EPHA10: variants seen among roughly 807,000 people sequenced by gnomAD.
EPHA10 encodes ephrin type-A receptor 10.
A neutral mutation model predicts 109.7 loss-of-function variants in EPHA10; 120 were observed. That is an observed-to-expected ratio of 1.09 (90% confidence interval 0.94 to 1.27). EPHA10 has a LOEUF of 1.27. Ranked by LOEUF, EPHA10 falls within the 50% of genes most tolerant of loss-of-function variation. The probability of loss-of-function intolerance (pLI) is 0.00; values close to 1 mark genes in which losing one functional copy is unlikely to be tolerated. For synonymous variants in EPHA10, 640 were observed against 618.9 expected, an observed-to-expected ratio of 1.03 and a Z score of -0.51; for missense variants, 1,396 against 1,411.1, an observed-to-expected ratio of 0.99 and a Z score of 0.17.
chr1:37,758,585 C>T (rs1397982220), intron 3 of EPHA10, among the ~76,000 whole-genome samples: 1 of 152,224 alleles, frequency 6.6e-6, no homozygotes, highest in Non-Finnish European at 1.5e-5. Context: ...TCTCTCTTGG[C>T]TGTCATAATA....
At chr1:37,762,753 C>A in intron 2 of EPHA10, 32 bp downstream of exon 2, 1 of 1,533,910 alleles carries the variant, frequency 6.5e-7, no homozygotes, top group Non-Finnish European at 8.8e-7. Context: ...CCAGAGGATC[C>A]CTGGGACAGG....
chr1:37,723,276 G>GCCCGC (rs766571253), intron 9 of EPHA10, 35 bp downstream of exon 9: 21 of 1,610,496 alleles, frequency 1.3e-5, no homozygotes, highest in African/African-American at 6.7e-5. Context: ...GCAGGGTGGA[G>GCCCGC]CCCGCCCCTC....
intron 7 of EPHA10, among the ~76,000 whole-genome samples, chr1:37,730,347 A>T (rs1214681618): frequency 2.0e-5 from 3 of 152,176 alleles, no homozygotes; most frequent in Non-Finnish European, 4.4e-5. Context: ...TTATCTTGAC[A>T]GCTGGTGCCA....
intron 5 of EPHA10, among the ~76,000 whole-genome samples, chr1:37,744,163 T>A (rs1376345081): frequency 6.6e-6 from 1 of 152,136 alleles, no homozygotes; most frequent in Non-Finnish European, 1.5e-5. Context: ...TTCTTAGCGA[T>A]GACACCAAAA....
chr1:37,716,749 C>T lies in EPHA10; in HGVS notation c.*1623G>A, dbSNP rs1290456271. The T allele has an allele frequency of 2.1e-5, 5 of 232,972 alleles. No individual in the cohort carries two copies. The East Asian group carries it at 3.0e-4, about 14-fold the overall frequency. The allele number at this position is 232,972 out of a possible 1,614,324, so 14.4% of individuals were successfully genotyped here. The stretch of plus-strand genomic sequence containing the variant: ...GTCCGAGGCCTGCCATCTTGCCTGC[C>T]GAAAACTCCACCCACCCCAAGGAAA... On this transcript the variant is annotated 3_prime_UTR_variant, in exon 17 of 17. Coordinates refer to ENST00000373048, the MANE Select transcript of EPHA10 (RefSeq NM_001099439.2).
chr1:37,722,087 T>C, intron 10 of EPHA10: 2 of 431,068 alleles, frequency 4.6e-6, no homozygotes, highest in South Asian at 3.7e-5. Context: ...GCTGAGATTG[T>C]GCCACTGCAC....
Position 37,718,440 on chromosome 1 carries a change from G to A in EPHA10, c.2959C>T (p.Leu987Phe), listed in dbSNP as rs1325520315. 1.2e-6 allele frequency: 2 copies of A among 1,613,462 alleles called. No homozygotes were observed. The highest frequency in any genetic ancestry group is 2.7e-5 in the African/African-American group (2 of 75,058). The change falls in exon 17 of 17, where the codon CTC (leucine) becomes TTC (phenylalanine). Residue 987 changes from leucine (L) to phenylalanine (F), a missense_variant. Transcript: ENST00000373048. ...TGCAGGGCGCTGATCCCGCTGAGGA[G>A]GGCCTCTCGATGTTCAGCCAAAGAG... is the stretch of plus-strand genomic sequence containing the variant. ...GISLAEHREA[L>F]LSGISALQAR... is the part of the protein sequence containing the mutation.
In EPHA10 at chr1:37,762,825, G is replaced by A; in HGVS notation, c.131C>T (p.Ser44Phe). The change falls in exon 2 of 17, where the codon TCC (serine) becomes TTC (phenylalanine). Residue 44 changes from serine to phenylalanine, a missense_variant. Coordinates refer to ENST00000373048, the MANE Select transcript of EPHA10 (RefSeq NM_001099439.2). ...EEVILLDSKA[S>F]QAELGWTALP... ...TGCAGTCCAGCCCAGCTCGGCCTGG[G>A]AGGCTTTGGAATCCAGGAGGATAAC... is the stretch of plus-strand genomic sequence containing the variant. The A allele has an allele frequency of 6.4e-7, 1 of 1,553,674 alleles. No homozygotes were observed. The highest frequency in any genetic ancestry group is 1.9e-5 in the Admixed American group (1 of 51,374).
chr1:37,739,153 T>TA (rs375305312), intron 5 of EPHA10, among the ~76,000 whole-genome samples: 23 of 150,716 alleles, frequency 1.5e-4, no homozygotes, highest in Non-Finnish European at 3.0e-4. Context: ...AGTATAATAA[T>TA]AAAAAAGAGT....
chr1:37,735,138 G>A (rs1383961316), intron 6 of EPHA10, 119 bp downstream of exon 6: 5 of 1,339,332 alleles, frequency 3.7e-6, no homozygotes, highest in South Asian at 1.3e-5. Flanking sequence ...TAGGAGACGG[G>A]TGGTTATGTT....
chr1:37,719,471 A>C lies in EPHA10; in HGVS notation c.2699T>G (p.Leu900Arg). 6.2e-7 allele frequency: 1 copy of C among 1,613,976 alleles called. No homozygotes were observed. ...RPRFSQIHSI[L>R]SKMVQDPEPP... ...CTCTGGGTCCTGCACCATCTTGCTCAGGATGCTGTGGATCTGGGAGAACCT... is the reference window on the plus strand; with the variant it reads ...CTCTGGGTCCTGCACCATCTTGCTCCGGATGCTGTGGATCTGGGAGAACCT... Residue 900 changes from leucine (L) to arginine (R), a missense_variant, in exon 15 of 17, where the codon CTG becomes CGG. Leu to Arg is a moderately radical substitution (Grantham distance 102). Coordinates refer to ENST00000373048, the MANE Select transcript of EPHA10 (RefSeq NM_001099439.2).
Position 37,720,453 on chromosome 1 carries a change from G to T in EPHA10, c.2310C>A (p.Gly770=), listed in dbSNP as rs371512985. The change falls in exon 13 of 17, where the codon GGC becomes GGA. Residue 770 remains glycine (G), a synonymous_variant. Coordinates refer to ENST00000373048, the MANE Select transcript of EPHA10 (RefSeq NM_001099439.2). ...TGACCAGCACATGGCGAGCTGCCAGGCCCCGGTGAACGTAGCCCATCTCTG... is the reference window on the plus strand; with the variant it reads ...TGACCAGCACATGGCGAGCTGCCAGTCCCCGGTGAACGTAGCCCATCTCTG... ...YLSEMGYVHR[G]LAARHVLVSS... 33 of 1,613,496 alleles carry T rather than the reference G, an allele frequency of 2.0e-5. No homozygotes were observed. The highest frequency in any genetic ancestry group is 1.2e-4 in the Admixed American group (7 of 59,986).
rs569124338 is a variant in EPHA10, at chr1:37,745,654, A to C, written c.1357+7222T>G. Reference sequence around the variant, plus strand: ...ACCTGAGGCCAGGAGTTTGAAACCAACCTGGCCAATATGGGGAAACCCTGT... The same window carrying C: ...ACCTGAGGCCAGGAGTTTGAAACCACCCTGGCCAATATGGGGAAACCCTGT... On this transcript the variant is annotated intron_variant, in intron 5 of 16. Coordinates refer to ENST00000373048, the MANE Select transcript of EPHA10 (RefSeq NM_001099439.2). Among the ~76,000 whole-genome samples, 12 of 152,218 alleles carry C rather than the reference A, an allele frequency of 7.9e-5. No homozygotes were observed. The East Asian group carries it at 2.3e-3, about 29-fold the overall frequency.
intron 7 of EPHA10, among the ~76,000 whole-genome samples, chr1:37,727,581 C>A (rs951903342): frequency 9.9e-5 from 15 of 152,230 alleles, no homozygotes; most frequent in Admixed American, 9.8e-4. Flanking sequence ...AGACCATCCA[C>A]CAACAATAAT....
At position 37,721,825 on chromosome 1, in the gene EPHA10, A is replaced by G; in HGVS notation, c.1981T>C (p.Cys661Arg). The G allele has an allele frequency of 6.2e-7, 1 of 1,604,568 alleles. No homozygotes were observed. The highest frequency in any genetic ancestry group is 8.5e-7 in the Non-Finnish European group (1 of 1,174,842). ...CGACCGGGGAGCTGCAAGCAGCCAC[A>G]GCACAGCTCCCCAAACCGCCCTGTG... ...LGGGRFGELC[C>R]GCLQLPGRQE... Residue 661 changes from cysteine to arginine, a missense_variant, in exon 11 of 17, where the codon TGT becomes CGT. Cys to Arg is a radical substitution (Grantham distance 180). Coordinates refer to ENST00000373048, the MANE Select transcript of EPHA10 (RefSeq NM_001099439.2).
chr1:37,765,038 A>C lies in EPHA10; in HGVS notation c.29T>G (p.Leu10Arg). Reference protein sequence around the residue: METCAGPHPLRLFLCRMQLC... With the variant: METCAGPHPRRLFLCRMQLC... ...CTGCATCCGGCAGAGGAAGAGGCGC[A>C]GCGGGTGTGGACCGGCGCAGGTCTC... is the stretch of plus-strand genomic sequence containing the variant. The change falls in exon 1 of 17, where the codon CTG becomes CGG. Residue 10 changes from leucine to arginine, a missense_variant. Physicochemically the swap from Leu to Arg is moderately radical, Grantham distance 102. Transcript: ENST00000373048. 9 of 1,608,476 alleles carry C rather than the reference A, an allele frequency of 5.6e-6. No individual in the cohort carries two copies. The highest frequency in any genetic ancestry group is 6.8e-6 in the Non-Finnish European group (8 of 1,178,822).
chr1:37,714,752 G>C (rs1463865524), downstream of EPHA10: 1 of 152,374 alleles, frequency 6.6e-6, no homozygotes, highest in African/African-American at 2.4e-5. Flanking sequence ...GATGCGAAGA[G>C]AGAGTGGGAA....
At chr1:37,735,583 G>A (rs369617499) in intron 5 of EPHA10, among the ~76,000 whole-genome samples, 193 bp from the exon 6 acceptor site, 12 of 152,218 alleles carry the variant, frequency 7.9e-5, no homozygotes, top group African/African-American at 2.6e-4. Context: ...TGTGGGACCA[G>A]AGGAAAGAAG....
chr1:37,734,427 G>C (rs1646036103), intron 6 of EPHA10, among the ~76,000 whole-genome samples: 3 of 152,116 alleles, frequency 2.0e-5, no homozygotes, highest in African/African-American at 7.2e-5. Flanking sequence ...CCAGCTACTT[G>C]GGAGGCTGAA....
Sources: gnomAD v4.1 joint callset for allele counts (sites outside exome capture counted in the v4.1 genomes callset) on GRCh38, gnomAD v4.1.1 for gene constraint, MANE v1.5 for transcripts, NCBI Gene and HGNC (gene_info 2026-07-23, HGNC 2026-07-21) for gene names.